NARS2: variants seen among roughly 807,000 people sequenced by gnomAD.
NARS2 encodes asparaginyl-tRNA synthetase 2, mitochondrial.
A neutral mutation model predicts 62.9 loss-of-function variants in NARS2; 60 were observed. The observed-to-expected ratio is 0.95, with a 90% confidence interval of 0.77 to 1.18. The LOEUF (loss-of-function observed/expected upper bound fraction) is 1.18, where lower values mean the gene tolerates loss of function less well. Among genes scored for constraint, NARS2 ranks in the 50% most tolerant of loss-of-function variants. The probability of loss-of-function intolerance (pLI) is 0.00; values close to 1 mark genes in which losing one functional copy is unlikely to be tolerated. For missense variants in NARS2, 619 were observed against 576.4 expected (o/e 1.07, Z -0.76); for synonymous variants, 196 against 200.0 (o/e 0.98, Z 0.17).
At chr11:78,445,950 A>G (rs1280728726) in intron 11 of NARS2, among the ~76,000 whole-genome samples, 1 of 152,016 alleles carries the variant, frequency 6.6e-6, no homozygotes, top group Non-Finnish European at 1.5e-5. Context: ...GACAGGCAAG[A>G]CCTTGTCTCA....
intron 6 of NARS2, among the ~76,000 whole-genome samples, chr11:78,494,183 G>C (rs1388894048): frequency 2.0e-5 from 3 of 152,194 alleles, no homozygotes; most frequent in African/African-American, 7.2e-5. Context: ...CTATAGTGAA[G>C]TGGACACTAC....
intron 7 of NARS2, among the ~76,000 whole-genome samples, chr11:78,488,885 C>T (rs1859691478): frequency 6.6e-6 from 1 of 151,246 alleles, no homozygotes; most frequent in African/African-American, 2.4e-5. Context: ...GGTGCTGGAG[C>T]AAGAAGTTAT....
At chr11:78,545,026 T>C (rs1009854587) in intron 5 of NARS2, among the ~76,000 whole-genome samples, 2 of 152,118 alleles carry the variant, frequency 1.3e-5, no homozygotes, top group Non-Finnish European at 2.9e-5. Context: ...AGTCCTAATT[T>C]ATAGTGGTCA....
At chr11:78,468,866 A>G (rs1002892486) in intron 10 of NARS2, among the ~76,000 whole-genome samples, 1 of 148,796 alleles carries the variant, frequency 6.7e-6, no homozygotes, top group Non-Finnish European at 1.5e-5. Context: ...TTTGGGGCTC[A>G]AGCAATCTGC....
chr11:78,496,709 T>C (rs1295254801), intron 6 of NARS2, among the ~76,000 whole-genome samples: 1 of 142,700 alleles, frequency 7.0e-6, no homozygotes, highest in Non-Finnish European at 1.5e-5. Flanking sequence ...CTCTCTAGAA[T>C]GTTATCTTCA....
rs545523130 is a variant in NARS2, at chr11:78,509,143, T to C, written c.690-15948A>G. Reference sequence around the variant, plus strand: ...AAAAAAAAAAAAGATTATCAACAGATTCCTCATCAGAAACTTTGGAAGCTA... The same window carrying C: ...AAAAAAAAAAAAGATTATCAACAGACTCCTCATCAGAAACTTTGGAAGCTA... On this transcript the variant is annotated intron_variant, in intron 6 of 13. Coordinates refer to ENST00000281038, the MANE Select transcript of NARS2 (RefSeq NM_024678.6). Among the ~76,000 whole-genome samples, 7 of 150,588 alleles carry C rather than the reference T, an allele frequency of 4.6e-5. No homozygotes were observed. The East Asian group carries it at 1.4e-3, about 29-fold the overall frequency.
At chr11:78,571,269 G>T (rs1856911178) in intron 2 of NARS2, 66 bp downstream of exon 2, 6 of 947,734 alleles carry the variant, frequency 6.3e-6, no homozygotes, top group Non-Finnish European at 8.5e-6. Context: ...CACTGGAGTA[G>T]GGAAGTGAGA....
intron 5 of NARS2, among the ~76,000 whole-genome samples, chr11:78,557,503 G>A (rs151307658): frequency 3.7e-4 from 57 of 152,316 alleles, no homozygotes; most frequent in African/African-American, 1.3e-3. Context: ...AACAAAGACA[G>A]TAGGTCGACA....
At chr11:78,545,813 CA>C (rs1483072279) in intron 5 of NARS2, among the ~76,000 whole-genome samples, 7 of 152,114 alleles carry the variant, frequency 4.6e-5, no homozygotes, top group African/African-American at 1.7e-4. Context: ...GCTGGGATTA[CA>C]GGTGTGAACC....
chr11:78,438,426 C>G (rs1193345602), intron 13 of NARS2, among the ~76,000 whole-genome samples: 1 of 152,120 alleles, frequency 6.6e-6, no homozygotes, highest in Non-Finnish European at 1.5e-5. Context: ...ATGAAATGAA[C>G]AGCACACCAA....
At position 78,478,694 on chromosome 11, in the gene NARS2, T is replaced by G; in HGVS notation, c.823-11A>C. The G allele has an allele frequency of 6.4e-7, 1 of 1,555,876 alleles. No homozygotes were observed. The highest frequency in any genetic ancestry group is 8.8e-7 in the Non-Finnish European group (1 of 1,137,204). Reference sequence around the variant, plus strand: ...CAGTTCCTCTATAACCTAAGAGAAATGAAATAGAATCACCTGACACGTAAG... The same window carrying G: ...CAGTTCCTCTATAACCTAAGAGAAAGGAAATAGAATCACCTGACACGTAAG... On this transcript the variant is annotated splice_polypyrimidine_tract_variant and intron_variant, in intron 7 of 13. Transcript: ENST00000281038.
intron 11 of NARS2, among the ~76,000 whole-genome samples, chr11:78,461,126 A>G (rs963874667): frequency 2.6e-5 from 4 of 152,212 alleles, no homozygotes; most frequent in African/African-American, 9.6e-5. Flanking sequence ...CCTGGAACCA[A>G]TCCCTGAGGA....
At position 78,560,850 on chromosome 11, in the gene NARS2, T is replaced by C. The variant is rs185108234; in HGVS notation, c.514-1231A>G. 2.0e-3 allele frequency among the ~76,000 whole-genome samples: 303 copies of C among 152,306 alleles called. 1 individual carries two copies. The highest frequency in any genetic ancestry group is 6.7e-3 in the African/African-American group (278 of 41,572). ...AAATCTGATCAATAACATTACTGCA[T>C]AAAATTTTTATCTCCTAGGAGCCAA... is the stretch of plus-strand genomic sequence containing the variant. On this transcript the variant is annotated intron_variant, in intron 4 of 13. Transcript: ENST00000281038.
chr11:78,492,528 G>T (rs1023178166), intron 7 of NARS2, among the ~76,000 whole-genome samples: 2 of 152,080 alleles, frequency 1.3e-5, no homozygotes, highest in African/African-American at 4.8e-5. Context: ...ATGATCTGTT[G>T]CCTGACCATG....
At position 78,510,461 on chromosome 11, in the gene NARS2, T is replaced by C. The variant is rs139720323; in HGVS notation, c.690-17266A>G. On this transcript the variant is annotated intron_variant, in intron 6 of 13. Coordinates refer to ENST00000281038, the MANE Select transcript of NARS2 (RefSeq NM_024678.6). Reference sequence around the variant, plus strand: ...TACTTACATACCTAATGATGGACCATCAAATATAAAGCAAAAAATGACAGA... The same window carrying C: ...TACTTACATACCTAATGATGGACCACCAAATATAAAGCAAAAAATGACAGA... 6.9e-3 allele frequency among the ~76,000 whole-genome samples: 1,050 copies of C among 152,022 alleles called. 11 individuals carry two copies. Among genetic ancestry groups the C allele is most frequent in the African/African-American group, 0.024 (987 of 41,430 alleles).
chr11:78,511,574 G>A (rs932855782), intron 6 of NARS2, among the ~76,000 whole-genome samples: 3 of 152,016 alleles, frequency 2.0e-5, no homozygotes, highest in Admixed American at 2.0e-4. Context: ...AAAATTAGCC[G>A]GGCGTGGTGG....
intron 3 of NARS2, among the ~76,000 whole-genome samples, chr11:78,567,856 G>A (rs1468729597): frequency 6.6e-6 from 1 of 152,108 alleles, no homozygotes; most frequent in African/African-American, 2.4e-5. Flanking sequence ...GGATTCAAAT[G>A]GCTAGAATAT....
At chr11:78,450,924 T>G (rs1368999996) in intron 11 of NARS2, among the ~76,000 whole-genome samples, 1 of 152,148 alleles carries the variant, frequency 6.6e-6, no homozygotes, top group African/African-American at 2.4e-5. Flanking sequence ...TCAAGTGATC[T>G]GCCCACCTGG....
intron 5 of NARS2, among the ~76,000 whole-genome samples, chr11:78,534,320 A>G (rs1263704632): frequency 2.0e-5 from 3 of 152,218 alleles, no homozygotes; most frequent in African/African-American, 4.8e-5. Flanking sequence ...TGGCCGCTCA[A>G]TAGGTACATA....
Sources: allele counts gnomAD v4.1 joint callset (sites outside exome capture counted in the v4.1 genomes callset), GRCh38; gene constraint gnomAD v4.1.1; transcripts MANE v1.5; gene names NCBI Gene and HGNC (gene_info 2026-07-23, HGNC 2026-07-21).